The following SLC25A21 variants were observed in gnomAD, a reference collection of about 807,000 sequenced individuals.
The protein encoded by SLC25A21 is solute carrier family 25 member 21, also known as mitochondrial 2-oxodicarboxylate carrier.
SLC25A21 carries 47 observed loss-of-function variants against 43.8 expected under a neutral mutation model. The ratio of observed to expected loss-of-function variants is 1.07; its 90% CI spans 0.85 to 1.37. The LOEUF (loss-of-function observed/expected upper bound fraction) is 1.37, where lower values mean the gene tolerates loss of function less well. Ranked by LOEUF, SLC25A21 falls within the 40% of genes most tolerant of loss-of-function variation. SLC25A21 has a pLI of 0.00. For synonymous variants in SLC25A21, 131 were observed against 121.3 expected (o/e 1.08, Z -0.52); for missense variants, 352 against 350.2 (o/e 1.00, Z -0.04).
chr14:37,089,135 T>A (rs1400373765), intron 1 of SLC25A21, among the ~76,000 whole-genome samples: 1 of 152,054 alleles, frequency 6.6e-6, no homozygotes, highest in Non-Finnish European at 1.5e-5. Context: ...ATTTATACCA[T>A]CTCTTCCTGT....
chr14:36,772,459 T>C (rs1886655139), intron 3 of SLC25A21, among the ~76,000 whole-genome samples: 1 of 152,210 alleles, frequency 6.6e-6, no homozygotes, highest in Admixed American at 6.5e-5. Flanking sequence ...TCAATGTTTT[T>C]GAAAGATTTA....
At chr14:36,875,781 T>C (rs1455808069) in intron 1 of SLC25A21, among the ~76,000 whole-genome samples, 1 of 152,146 alleles carries the variant, frequency 6.6e-6, no homozygotes, top group Non-Finnish European at 1.5e-5. Flanking sequence ...TGCAAATAAA[T>C]TGTAACACTC....
intron 6 of SLC25A21, among the ~76,000 whole-genome samples, chr14:36,715,859 C>CA (rs1884106788): frequency 6.6e-6 from 1 of 152,054 alleles, no homozygotes; most frequent in South Asian, 2.1e-4. Context: ...TTTGGGAGGC[C>CA]AAGGAGTGTG....
At chr14:37,036,030 T>A (rs553364215) in intron 1 of SLC25A21, among the ~76,000 whole-genome samples, 1 of 152,282 alleles carries the variant, frequency 6.6e-6, no homozygotes, top group Non-Finnish European at 1.5e-5. Flanking sequence ...GACAAATGAG[T>A]TAAGTTTTTA....
rs1236951860 is a variant in SLC25A21, at chr14:36,919,789, T to G, written c.71-44785A>C. ...ATCAAAGTTATACACTCACTTGATTTGCAATCAAAATGTTTCCTTACTAAA... is the reference window on the plus strand; with the variant it reads ...ATCAAAGTTATACACTCACTTGATTGGCAATCAAAATGTTTCCTTACTAAA... On this transcript the variant is annotated intron_variant, in intron 1 of 9. Transcript: ENST00000331299. Among the ~76,000 whole-genome samples the G allele has an allele frequency of 2.0e-5, 3 of 152,162 alleles. No individual in the cohort carries two copies. In the East Asian group the frequency reaches 5.8e-4, roughly 29 times the overall value.
chr14:36,862,567 C>T (rs1181590866), intron 2 of SLC25A21, among the ~76,000 whole-genome samples: 3 of 152,222 alleles, frequency 2.0e-5, no homozygotes, highest in African/African-American at 4.8e-5. Context: ...AATGAGAACA[C>T]ATGGACACAG....
At chr14:37,141,502 C>T (rs981715646) in intron 1 of SLC25A21, among the ~76,000 whole-genome samples, 4 of 150,998 alleles carry the variant, frequency 2.6e-5, no homozygotes, top group Admixed American at 1.3e-4. Flanking sequence ...CAATTAACTG[C>T]GTTTTTAAAA....
intron 1 of SLC25A21, among the ~76,000 whole-genome samples, chr14:37,106,989 C>T (rs1459767378): frequency 6.6e-6 from 1 of 152,134 alleles, no homozygotes; most frequent in Non-Finnish European, 1.5e-5. Context: ...GACAGTGTCA[C>T]TCAATAGTAT....
intron 1 of SLC25A21, among the ~76,000 whole-genome samples, chr14:36,920,213 T>C (rs1230563244): frequency 6.6e-6 from 1 of 152,080 alleles, no homozygotes; most frequent in Non-Finnish European, 1.5e-5. Flanking sequence ...CACATATATA[T>C]GGAAAAACTA....
At chr14:36,747,294 CTT>C (rs2139252105) in intron 3 of SLC25A21, among the ~76,000 whole-genome samples, 1 of 152,220 alleles carries the variant, frequency 6.6e-6, no homozygotes, top group African/African-American at 2.4e-5. Flanking sequence ...ACTCTTTGGC[CTT>C]AAATTTTGGC....
At chr14:36,882,631 C>T (rs755057946) in intron 1 of SLC25A21, among the ~76,000 whole-genome samples, 64 of 152,186 alleles carry the variant, frequency 4.2e-4, no homozygotes, top group Middle Eastern at 3.4e-3. Context: ...AGTTCTCTAC[C>T]TACACTCACT....
At chr14:36,789,898 A>T (rs1218273668) in intron 3 of SLC25A21, among the ~76,000 whole-genome samples, 1 of 121,396 alleles carries the variant, frequency 8.2e-6, no homozygotes, top group South Asian at 2.3e-4. Context: ...AATATATATT[A>T]TATATATTTA....
At chr14:37,079,436 A>T (rs1345055311) in intron 1 of SLC25A21, among the ~76,000 whole-genome samples, 2 of 152,080 alleles carry the variant, frequency 1.3e-5, no homozygotes, top group Non-Finnish European at 2.9e-5. Context: ...CCTCTGTCTC[A>T]TTTTATAAAT....
intron 6 of SLC25A21, among the ~76,000 whole-genome samples, chr14:36,718,283 T>C (rs998245601): frequency 6.6e-6 from 1 of 152,212 alleles, no homozygotes; most frequent in Non-Finnish European, 1.5e-5. Flanking sequence ...AAGATAACTA[T>C]AGGAATGGAT....
intron 1 of SLC25A21, among the ~76,000 whole-genome samples, chr14:36,985,323 T>C (rs1301052110): frequency 1.1e-4 from 17 of 152,078 alleles, no homozygotes; most frequent in Non-Finnish European, 2.1e-4. Flanking sequence ...GTAACTAACC[T>C]GCACAATGTG....
At chr14:36,896,790 A>G (rs1206939283) in intron 1 of SLC25A21, among the ~76,000 whole-genome samples, 1 of 151,894 alleles carries the variant, frequency 6.6e-6, no homozygotes, top group East Asian at 1.9e-4. Context: ...TTTCTCCTTC[A>G]CTTCTGAAGC....
intron 7 of SLC25A21, among the ~76,000 whole-genome samples, chr14:36,694,512 T>G (rs1485094291): frequency 1.3e-5 from 2 of 152,220 alleles, no homozygotes; most frequent in Non-Finnish European, 2.9e-5. Flanking sequence ...GTTGAACTAA[T>G]TTACACTCCC....
chr14:36,997,377 T>C (rs1960394163), intron 1 of SLC25A21, among the ~76,000 whole-genome samples: 1 of 150,902 alleles, frequency 6.6e-6, no homozygotes, highest in African/African-American at 2.4e-5. Flanking sequence ...ATGCTTTATG[T>C]TCAGCTGAGG....
intron 1 of SLC25A21, among the ~76,000 whole-genome samples, chr14:37,042,771 A>G (rs1321541676): frequency 2.0e-5 from 3 of 152,186 alleles, no homozygotes; most frequent in Non-Finnish European, 4.4e-5. Flanking sequence ...TTAAAACAAC[A>G]ATGGGTCCAC....
Sources: allele counts gnomAD v4.1 joint callset (sites outside exome capture counted in the v4.1 genomes callset), GRCh38; gene constraint gnomAD v4.1.1; transcripts MANE v1.5; gene names NCBI Gene and HGNC (gene_info 2026-07-23, HGNC 2026-07-21).